Variants in ASIC2 observed in about 807,000 individuals in gnomAD.
The protein encoded by ASIC2 is acid-sensing ion channel 2.
Under a neutral mutation model 57.3 loss-of-function variants are expected in ASIC2, and 25 were observed. The ratio of observed to expected loss-of-function variants is 0.44; its 90% confidence interval spans 0.32 to 0.61. The LOEUF (loss-of-function observed/expected upper bound fraction) is 0.61, where lower values mean the gene tolerates loss of function less well. ASIC2 is among the 20% of genes least tolerant of loss of function. The pLI is 0.06. For missense variants in ASIC2, 641 were observed against 738.1 expected (o/e 0.87, Z 1.52); for synonymous variants, 319 against 307.5 (o/e 1.04, Z -0.39).
intron 1 of ASIC2, among the ~76,000 whole-genome samples, chr17:33,670,784 C>T (rs1907615453): frequency 6.6e-6 from 1 of 152,234 alleles, no homozygotes; most frequent in African/African-American, 2.4e-5. Flanking sequence ...GATGGTATGG[C>T]AGGACAACCC....
rs189409452 is a variant in ASIC2, at chr17:34,063,787, T to A, written c.555+92191A>T. ...TTTTAAAATAGCTGCAAAAAATAAA[T>A]AAATAAAAGACTTAGGAACATACCT... is the stretch of plus-strand genomic sequence containing the variant. On this transcript the variant is annotated intron_variant, in intron 1 of 9. Transcript: ENST00000359872. Among the ~76,000 whole-genome samples, 217 of 151,516 alleles carry A rather than the reference T, an allele frequency of 1.4e-3. 1 individual carries two copies. The highest frequency in any genetic ancestry group is 7.5e-4 in the Non-Finnish European group (51 of 67,682).
At chr17:33,104,049 T>C (rs2092225207) in intron 2 of ASIC2, among the ~76,000 whole-genome samples, 2 of 152,200 alleles carry the variant, frequency 1.3e-5, no homozygotes, top group African/African-American at 4.8e-5. Flanking sequence ...GCTGGCTTCC[T>C]CAGTGCAGGC....
chr17:33,490,225 T>C (rs115355145), intron 1 of ASIC2, among the ~76,000 whole-genome samples: 1,685 of 152,350 alleles, frequency 0.011, 31 homozygotes, highest in African/African-American at 0.039. Context: ...CCAAAATATT[T>C]ACTATCTGGC....
At chr17:33,582,711 T>A (rs1904484020) in intron 1 of ASIC2, among the ~76,000 whole-genome samples, 1 of 152,192 alleles carries the variant, frequency 6.6e-6, no homozygotes, top group Admixed American at 6.5e-5. Context: ...TGATTTCAAT[T>A]TTTGTTTCTC....
At chr17:34,125,637 G>T (rs1011072756) in intron 1 of ASIC2, among the ~76,000 whole-genome samples, 5 of 152,116 alleles carry the variant, frequency 3.3e-5, no homozygotes, top group African/African-American at 1.2e-4. Flanking sequence ...TCCTCTCAGT[G>T]TATTTTAATA....
At chr17:33,097,072 T>C (rs916974675) in intron 2 of ASIC2, among the ~76,000 whole-genome samples, 2 of 152,206 alleles carry the variant, frequency 1.3e-5, no homozygotes, top group African/African-American at 4.8e-5. Context: ...AATCCAACCC[T>C]TGTCTGCTGG....
intron 1 of ASIC2, among the ~76,000 whole-genome samples, chr17:33,242,735 G>C (rs1244556830): frequency 4.6e-5 from 7 of 152,052 alleles, no homozygotes; most frequent in African/African-American, 1.7e-4. Flanking sequence ...TATTTTTCTT[G>C]CTGAGGCCCA....
chr17:33,404,789 A>G (rs1445322398), intron 1 of ASIC2, among the ~76,000 whole-genome samples: 1 of 152,222 alleles, frequency 6.6e-6, no homozygotes, highest in African/African-American at 2.4e-5. Flanking sequence ...AGTTTTATCA[A>G]AGTTCAATGA....
At chr17:33,993,396 A>G (rs55898638) in intron 1 of ASIC2, among the ~76,000 whole-genome samples, 21,484 of 152,186 alleles carry the variant, frequency 0.14, 1,728 homozygotes, top group East Asian at 0.35. Context: ...TCACTGGTAC[A>G]TGCCCATGAC....
At chr17:33,930,132 A>T (rs1915901072) in intron 1 of ASIC2, among the ~76,000 whole-genome samples, 1 of 152,244 alleles carries the variant, frequency 6.6e-6, no homozygotes, top group Admixed American at 6.5e-5. Context: ...GAAGTCTGAA[A>T]GTCTGTTAGG....
intron 1 of ASIC2, among the ~76,000 whole-genome samples, chr17:33,357,243 C>G (rs898368981): frequency 1.3e-5 from 2 of 152,074 alleles, no homozygotes; most frequent in Non-Finnish European, 2.9e-5. Flanking sequence ...TCATTGTTCA[C>G]ATATGCACAG....
intron 1 of ASIC2, among the ~76,000 whole-genome samples, chr17:33,725,475 G>C (rs564149918): frequency 6.6e-6 from 1 of 152,122 alleles, no homozygotes; most frequent in South Asian, 2.2e-4. Context: ...GTCCGTCCCA[G>C]CTCTATTACT....
At chr17:33,112,227 G>T in intron 1 of ASIC2, 160 bp from the exon 2 acceptor site, 1 of 974,964 alleles carries the variant, frequency 1.0e-6, no homozygotes, top group Non-Finnish European at 1.5e-6. Flanking sequence ...CCTGGCTGTG[G>T]GCCTGACTTG....
At chr17:33,800,766 C>G (rs1300992108) in intron 1 of ASIC2, among the ~76,000 whole-genome samples, 1 of 152,168 alleles carries the variant, frequency 6.6e-6, no homozygotes, top group African/African-American at 2.4e-5. Flanking sequence ...TGACCTCATG[C>G]TAACAGCCAT....
intron 1 of ASIC2, among the ~76,000 whole-genome samples, chr17:33,113,990 T>C (rs1441967490): frequency 6.6e-6 from 1 of 152,222 alleles, no homozygotes; most frequent in Non-Finnish European, 1.5e-5. Flanking sequence ...CCATCAATAT[T>C]CATATGCATA....
intron 1 of ASIC2, among the ~76,000 whole-genome samples, chr17:33,450,852 T>C (rs1912219933): frequency 2.0e-5 from 3 of 152,184 alleles, no homozygotes; most frequent in African/African-American, 7.2e-5. Flanking sequence ...TCACAGTTTC[T>C]GTACATCTGT....
At chr17:33,997,634 A>G (rs1906206132) in intron 1 of ASIC2, among the ~76,000 whole-genome samples, 1 of 152,142 alleles carries the variant, frequency 6.6e-6, no homozygotes, top group South Asian at 2.1e-4. Flanking sequence ...AGATGATCAT[A>G]TAATTTTTAT....
intron 1 of ASIC2, among the ~76,000 whole-genome samples, chr17:33,398,219 T>C (rs929176783): frequency 3.3e-5 from 5 of 151,954 alleles, no homozygotes; most frequent in South Asian, 2.1e-4. Flanking sequence ...TCCAAGAAGT[T>C]AAGAATCTTT....
intron 1 of ASIC2, among the ~76,000 whole-genome samples, chr17:34,130,989 CT>C (rs1176967047): frequency 6.6e-6 from 1 of 152,126 alleles, no homozygotes; most frequent in Non-Finnish European, 1.5e-5. Flanking sequence ...GCGGAAAAAG[CT>C]GCATTGGAGA....
Sources: allele counts gnomAD v4.1 joint callset (sites outside exome capture counted in the v4.1 genomes callset), GRCh38; gene constraint gnomAD v4.1.1; transcripts MANE v1.5; gene names NCBI Gene and HGNC (gene_info 2026-07-23, HGNC 2026-07-21).